Variants in SLC24A3 observed in about 807,000 individuals in gnomAD.
The protein encoded by SLC24A3 is sodium/potassium/calcium exchanger 3.
SLC24A3 carries 28 observed loss-of-function variants against 75.8 expected under a neutral mutation model. The observed-to-expected ratio is 0.37, with a 90% CI of 0.27 to 0.51. The LOEUF (loss-of-function observed/expected upper bound fraction) is 0.51, where lower values mean the gene tolerates loss of function less well. Among genes scored for constraint, SLC24A3 ranks in the 20% least tolerant of loss-of-function variants. The pLI is 0.94. For synonymous variants in SLC24A3, 372 were observed against 334.1 expected (o/e 1.11, Z -1.24); for missense variants, 663 against 847.8 (o/e 0.78, Z 2.71).
intron 3 of SLC24A3, among the ~76,000 whole-genome samples, chr20:19,540,243 C>G (rs1215438690): frequency 6.6e-6 from 1 of 152,158 alleles, no homozygotes; most frequent in Admixed American, 6.5e-5. Context: ...AAAACACGTT[C>G]AGTGCAGAGC....
intron 2 of SLC24A3, among the ~76,000 whole-genome samples, chr20:19,473,623 C>T (rs900439697): frequency 3.9e-5 from 6 of 152,226 alleles, no homozygotes; most frequent in Admixed American, 2.6e-4. Context: ...ATCTGAACCC[C>T]GGAAGCTGAA....
intron 2 of SLC24A3, among the ~76,000 whole-genome samples, chr20:19,480,051 G>A (rs1015865683): frequency 3.3e-5 from 5 of 152,240 alleles, no homozygotes; most frequent in African/African-American, 1.2e-4. Flanking sequence ...TCCAGGAAAT[G>A]CATATGAGGT....
intron 1 of SLC24A3, among the ~76,000 whole-genome samples, chr20:19,254,884 G>A (rs181545559): frequency 4.6e-5 from 7 of 152,334 alleles, no homozygotes; most frequent in Non-Finnish European, 1.0e-4. Flanking sequence ...TACTAGCTCT[G>A]TGACCTTGAG....
At chr20:19,689,750 G>A (rs1187459781) in intron 12 of SLC24A3, among the ~76,000 whole-genome samples, 1 of 152,184 alleles carries the variant, frequency 6.6e-6, no homozygotes, top group African/African-American at 2.4e-5. Context: ...ATTAAGGGCT[G>A]GGCGTGGTGG....
chr20:19,215,542 T>C (rs1387078629), intron 1 of SLC24A3, among the ~76,000 whole-genome samples: 3 of 152,172 alleles, frequency 2.0e-5, no homozygotes, highest in African/African-American at 7.2e-5. Context: ...TCTCAGAAGC[T>C]CGTTTTCTAA....
At chr20:19,588,633 A>G (rs1404818977) in intron 6 of SLC24A3, among the ~76,000 whole-genome samples, 3 of 152,258 alleles carry the variant, frequency 2.0e-5, no homozygotes, top group Non-Finnish European at 4.4e-5. Context: ...CAAGACATTT[A>G]CAAGGCTGTG....
At chr20:19,510,599 G>A (rs1471566025) in intron 2 of SLC24A3, among the ~76,000 whole-genome samples, 1 of 152,144 alleles carries the variant, frequency 6.6e-6, no homozygotes, top group Non-Finnish European at 1.5e-5. Flanking sequence ...GAGGTAATTA[G>A]GGTCACATAA....
intron 10 of SLC24A3, 38 bp downstream of exon 10, chr20:19,682,029 G>GATC (rs1265180990): frequency 3.1e-6 from 5 of 1,606,244 alleles, no homozygotes; most frequent in Non-Finnish European, 4.3e-6. Flanking sequence ...AAGGCAGGAG[G>GATC]ATCAATTGAG....
rs6106098 is a variant in SLC24A3 at position 19,531,071 on chromosome 20, G to A, written c.348+15507G>A. On this transcript the variant is annotated intron_variant, in intron 3 of 16. Transcript: ENST00000328041. Reference sequence around the variant, plus strand: ...AGGTTGCCTGTGGTTCAGCCTATCCGTGTGCTGTAGTCACACCAATTCTGA... The same window carrying A: ...AGGTTGCCTGTGGTTCAGCCTATCCATGTGCTGTAGTCACACCAATTCTGA... Among the ~76,000 whole-genome samples the A allele has an allele frequency of 7.7e-3, 1,169 of 151,940 alleles. 7 individuals carry two copies. Among genetic ancestry groups the A allele is most frequent in the Non-Finnish European group, 0.012 (847 of 68,024 alleles).
At chr20:19,389,937 T>A (rs931223729) in intron 2 of SLC24A3, among the ~76,000 whole-genome samples, 4 of 152,220 alleles carry the variant, frequency 2.6e-5, no homozygotes, top group Non-Finnish European at 5.9e-5. Context: ...GTTGTTGTTG[T>A]TCTGACTGGG....
At chr20:19,346,274 GTA>G (rs374637972) in intron 2 of SLC24A3, among the ~76,000 whole-genome samples, 6 of 67,756 alleles carry the variant, frequency 8.9e-5, no homozygotes, top group South Asian at 8.2e-4. Flanking sequence ...TATATATGGT[GTA>G]TATATATATG....
chr20:19,228,577 G>A (rs928426923), intron 1 of SLC24A3, among the ~76,000 whole-genome samples: 3 of 151,996 alleles, frequency 2.0e-5, no homozygotes, highest in Non-Finnish European at 4.4e-5. Context: ...CCCAGGAGGC[G>A]GAGCTTGCAG....
At chr20:19,684,522 G>C (rs775814929) in intron 11 of SLC24A3, among the ~76,000 whole-genome samples, 186 bp downstream of exon 11, 1 of 152,130 alleles carries the variant, frequency 6.6e-6, no homozygotes, top group Non-Finnish European at 1.5e-5. Flanking sequence ...TTCCCTCCAC[G>C]TGTTGAGACA....
At chr20:19,213,245 G>A in intron 1 of SLC24A3, 1 of 251,384 alleles carries the variant, frequency 4.0e-6, no homozygotes, top group Non-Finnish European at 7.4e-6. Context: ...CCGCCTGTGC[G>A]CTGCTTACTC....
chr20:19,346,315 T>C (rs202023362), intron 2 of SLC24A3, among the ~76,000 whole-genome samples: 1 of 110,382 alleles, frequency 9.1e-6, no homozygotes, highest in African/African-American at 4.6e-5. Context: ...TATATATATA[T>C]GGTATATATA....
At chr20:19,678,876 G>A (rs980632634) in intron 9 of SLC24A3, among the ~76,000 whole-genome samples, 10 of 151,824 alleles carry the variant, frequency 6.6e-5, no homozygotes, top group Non-Finnish European at 1.0e-4. Context: ...GGTCGCGGCC[G>A]GGCAGAGGCT....
intron 2 of SLC24A3, among the ~76,000 whole-genome samples, chr20:19,492,566 A>G (rs1988224374): frequency 1.3e-5 from 2 of 152,148 alleles, no homozygotes; most frequent in Admixed American, 1.3e-4. Flanking sequence ...CCCACTCACT[A>G]TGGACCTTTA....
At chr20:19,686,808 A>C (rs1166625466) in intron 12 of SLC24A3, among the ~76,000 whole-genome samples, 1 of 152,170 alleles carries the variant, frequency 6.6e-6, no homozygotes, top group African/African-American at 2.4e-5. Context: ...CCAGATTCCT[A>C]TTCCCCCAGG....
chr20:19,716,845 G>C (rs972665754), intron 15 of SLC24A3, among the ~76,000 whole-genome samples: 3 of 152,058 alleles, frequency 2.0e-5, no homozygotes, highest in African/African-American at 7.2e-5. Context: ...CTGCACCCCA[G>C]CCTGGGTAAC....
Sources: allele counts gnomAD v4.1 joint callset (sites outside exome capture counted in the v4.1 genomes callset), GRCh38; gene constraint gnomAD v4.1.1; transcripts MANE v1.5; gene names NCBI Gene and HGNC (gene_info 2026-07-23, HGNC 2026-07-21).